Variants in TLK2 observed in about 807,000 individuals in gnomAD.
TLK2 encodes the protein tousled like kinase 2, also known as serine/threonine-protein kinase tousled-like 2.
A neutral mutation model predicts 117.3 loss-of-function variants in TLK2; 6 were observed. The ratio of observed to expected loss-of-function variants is 0.05; its 90% CI spans 0.03 to 0.10. The LOEUF (loss-of-function observed/expected upper bound fraction) is 0.10, where lower values mean the gene tolerates loss of function less well. TLK2 is among the 10% of genes least tolerant of loss of function. The probability of loss-of-function intolerance (pLI) is 1.00; values close to 1 mark genes in which losing one functional copy is unlikely to be tolerated. For synonymous variants in TLK2, 257 were observed against 316.7 expected (o/e 0.81, Z 2.00); for missense variants, 299 against 901.2 (o/e 0.33, Z 8.56).
intron 2 of TLK2, among the ~76,000 whole-genome samples, chr17:62,497,125 G>C (rs1480824298): frequency 1.3e-5 from 2 of 152,050 alleles, no homozygotes. Context: ...AGGCATGGTG[G>C]CGTGTGCCTA....
At chr17:62,510,954 A>G (rs1460042339) in intron 2 of TLK2, among the ~76,000 whole-genome samples, 2 of 152,136 alleles carry the variant, frequency 1.3e-5, no homozygotes, top group Non-Finnish European at 2.9e-5. Context: ...AACCCCAAAA[A>G]CTTTAGAAAA....
chr17:62,499,321 A>G (rs2073987373), intron 2 of TLK2, among the ~76,000 whole-genome samples: 1 of 151,618 alleles, frequency 6.6e-6, no homozygotes. Context: ...GTGACAGAGT[A>G]AGACTCCGTC....
intron 2 of TLK2, among the ~76,000 whole-genome samples, chr17:62,517,833 G>A (rs1403478377): frequency 6.6e-6 from 1 of 152,098 alleles, no homozygotes; most frequent in East Asian, 1.9e-4. Flanking sequence ...GACTAGCTGG[G>A]ACTATTGGTG....
chr17:62,546,093 G>C (rs71375868), intron 7 of TLK2, among the ~76,000 whole-genome samples: 8,672 of 152,052 alleles, frequency 0.057, 353 homozygotes, highest in Non-Finnish European at 0.091. Flanking sequence ...TGTTGGCCAG[G>C]CTGGTCTTGA....
At chr17:62,573,892 G>A (rs1198036529) in intron 12 of TLK2, among the ~76,000 whole-genome samples, 1 of 152,138 alleles carries the variant, frequency 6.6e-6, no homozygotes, top group Non-Finnish European at 1.5e-5. Context: ...GGGAATCTAA[G>A]GAAAACACCA....
chr17:62,576,667 G>A lies in TLK2; in HGVS notation c.1122-42G>A, dbSNP rs745707432. Reference sequence around the variant, plus strand: ...ATTTCTCTTTAAACAGGCAAACTATGATTTCTAGTAGTTTACTGAAACTTT... The same window carrying A: ...ATTTCTCTTTAAACAGGCAAACTATAATTTCTAGTAGTTTACTGAAACTTT... On this transcript the variant is annotated intron_variant, in intron 12 of 21. Transcript: ENST00000346027. 4.8e-6 allele frequency: 7 copies of A among 1,462,602 alleles called. No homozygotes were observed. In the Admixed American group the frequency reaches 1.2e-4, roughly 25 times the overall value. 90.6% of individuals were successfully genotyped at this position (1,462,602 alleles called of 1,614,324 possible).
intron 11 of TLK2, among the ~76,000 whole-genome samples, chr17:62,568,051 T>G (rs1271505213): frequency 1.3e-5 from 2 of 152,246 alleles, no homozygotes; most frequent in East Asian, 3.8e-4. Context: ...TATCACTTTT[T>G]GTTTAAAGAA....
chr17:62,503,552 G>A (rs2074401141), intron 2 of TLK2, among the ~76,000 whole-genome samples: 1 of 151,692 alleles, frequency 6.6e-6, no homozygotes, highest in African/African-American at 2.4e-5. Flanking sequence ...CTAGTTGCTG[G>A]GATTATGGAC....
intron 13 of TLK2, among the ~76,000 whole-genome samples, 188 bp from the exon 14 acceptor site, chr17:62,578,289 G>T (rs572479352): frequency 6.6e-6 from 1 of 152,254 alleles, no homozygotes; most frequent in South Asian, 2.1e-4. Context: ...GAACTCCTCT[G>T]TATGGTTTGA....
At chr17:62,576,201 C>G (rs777790706) in intron 12 of TLK2, among the ~76,000 whole-genome samples, 1 of 152,234 alleles carries the variant, frequency 6.6e-6, no homozygotes, top group African/African-American at 2.4e-5. Context: ...AATTTGCTTG[C>G]GCAAGGTCAC....
At chr17:62,550,978 C>T (rs1567902121) in intron 7 of TLK2, 1 of 152,060 alleles carries the variant, frequency 6.6e-6, no homozygotes, top group Non-Finnish European at 1.5e-5. Flanking sequence ...ACCACTGTGC[C>T]TAGCTAATTT....
At chr17:62,499,858 A>T (rs1371956663) in intron 2 of TLK2, among the ~76,000 whole-genome samples, 1 of 152,060 alleles carries the variant, frequency 6.6e-6, no homozygotes, top group Non-Finnish European at 1.5e-5. Context: ...CTAAAAAAAA[A>T]AAAAGAAAAA....
At chr17:62,516,805 C>T (rs2075633846) in intron 2 of TLK2, 1 of 1,291,196 alleles carries the variant, frequency 7.7e-7, no homozygotes, top group Admixed American at 2.0e-5. Flanking sequence ...GGCTGGAAAG[C>T]TAGTTTTAGT....
At chr17:62,553,789 G>C in intron 9 of TLK2, 34 bp downstream of exon 9, 1 of 1,321,436 alleles carries the variant, frequency 7.6e-7, no homozygotes, top group Non-Finnish European at 1.1e-6. Context: ...TTTATAGCAA[G>C]CACCATTTGT....
chr17:62,596,549 A>G (rs2082493791), intron 16 of TLK2, 36 bp from the exon 17 acceptor site: 5 of 1,528,292 alleles, frequency 3.3e-6, no homozygotes, highest in Non-Finnish European at 3.6e-6. Context: ...AGGCAGGCCA[A>G]TATACCTTCT....
intron 11 of TLK2, among the ~76,000 whole-genome samples, chr17:62,568,063 T>C (rs2079946819): frequency 6.6e-6 from 1 of 152,156 alleles, no homozygotes; most frequent in African/African-American, 2.4e-5. Flanking sequence ...TTTAAAGAAG[T>C]CTCAAACAGT....
At chr17:62,599,750 A>G (rs1459565632) in intron 17 of TLK2, among the ~76,000 whole-genome samples, 4 of 152,116 alleles carry the variant, frequency 2.6e-5, no homozygotes, top group African/African-American at 7.2e-5. Flanking sequence ...TCTGTTTTAA[A>G]TGTTCAGGTG....
intron 8 of TLK2, chr17:62,553,439 A>G (rs2078625856): frequency 4.1e-6 from 2 of 493,080 alleles, no homozygotes; most frequent in South Asian, 2.3e-5. Context: ...TTCCAGAATT[A>G]ACATGTGTTT....
At chr17:62,553,265 C>T (rs559835068) in intron 8 of TLK2, among the ~76,000 whole-genome samples, 3 of 152,190 alleles carry the variant, frequency 2.0e-5, no homozygotes, top group African/African-American at 7.2e-5. Context: ...TTCTTCTCTT[C>T]CCTTCTGATT....
Sources: allele counts gnomAD v4.1 joint callset (sites outside exome capture counted in the v4.1 genomes callset), GRCh38; gene constraint gnomAD v4.1.1; transcripts MANE v1.5; gene names NCBI Gene and HGNC (gene_info 2026-07-23, HGNC 2026-07-21).